The following MCM9 variants were observed in gnomAD, a reference collection of about 807,000 sequenced individuals.
The protein encoded by MCM9 is minichromosome maintenance 9 homologous recombination repair factor, also known as DNA helicase MCM9.
MCM9 carries 55 observed loss-of-function variants against 72.8 expected under a neutral mutation model. The ratio of observed to expected loss-of-function variants is 0.76; its 90% CI spans 0.61 to 0.95. MCM9 has a LOEUF of 0.95. Among genes scored for constraint, MCM9 ranks in the 40% least tolerant of loss-of-function variants. The pLI is 0.00. For synonymous variants in MCM9, 480 were observed against 503.4 expected (o/e 0.95, Z 0.62); for missense variants, 1,279 against 1,377.0 (o/e 0.93, Z 1.13).
intron 8 of MCM9, among the ~76,000 whole-genome samples, chr6:118,890,505 C>CT (rs1417924556): frequency 6.6e-6 from 1 of 152,196 alleles, no homozygotes; most frequent in Non-Finnish European, 1.5e-5. Flanking sequence ...GCATCTAACA[C>CT]TTTCTATTTC....
chr6:118,878,467 C>A lies in MCM9; in HGVS notation c.1151-21922G>T, dbSNP rs1471533455. Among the ~76,000 whole-genome samples the A allele has an allele frequency of 4.0e-5, 6 of 151,866 alleles. No individual in the cohort carries two copies. The East Asian group carries it at 9.6e-4, about 24-fold the overall frequency. ...TAACTGTAACTTTGTAACTTTTTTTCTTTTATCTGATTTAAAAGAAAATTG... is the reference window on the plus strand; with the variant it reads ...TAACTGTAACTTTGTAACTTTTTTTATTTTATCTGATTTAAAAGAAAATTG... On this transcript the variant is annotated intron_variant, in intron 8 of 13. Transcript: ENST00000619706.
chr6:118,913,538 T>C, intron 6 of MCM9, 118 bp from the exon 7 acceptor site: 1 of 1,263,074 alleles, frequency 7.9e-7, no homozygotes, highest in East Asian at 2.5e-5. Flanking sequence ...TGTGAAGTGA[T>C]CAGGAGGTCC....
rs151290262 is a variant in MCM9 at position 118,847,785 on chromosome 6, T to C, written c.1325+8586A>G. ...CAACTGAGACATAGTCTAGTAAAAA[T>C]ATTATACTTTAAAGATAAAGGAAAA... On this transcript the variant is annotated intron_variant, in intron 9 of 13. Transcript: ENST00000619706. 7.2e-5 allele frequency among the ~76,000 whole-genome samples: 11 copies of C among 151,742 alleles called. No homozygotes were observed. The East Asian group carries it at 2.1e-3, about 29-fold the overall frequency.
At chr6:118,913,942 T>C (rs1266479711) in intron 6 of MCM9, among the ~76,000 whole-genome samples, 2 of 152,174 alleles carry the variant, frequency 1.3e-5, no homozygotes, top group Admixed American at 1.3e-4. Flanking sequence ...TCAGTAAAAT[T>C]ACTCCACTGC....
At position 118,816,171 on chromosome 6, in the gene MCM9, G is replaced by A; in HGVS notation, c.2085C>T (p.Ile695=). 1 of 1,550,488 alleles carries A rather than the reference G, an allele frequency of 6.4e-7. No homozygotes were observed. The highest frequency in any genetic ancestry group is 8.7e-7 in the Non-Finnish European group (1 of 1,146,952). Reference sequence around the variant, plus strand: ...GAGAGAAGATATGTGTGCTATAGTTGATTTCCTGCTGTGATGAAGTTCTGA... The same window carrying A: ...GAGAGAAGATATGTGTGCTATAGTTAATTTCCTGCTGTGATGAAGTTCTGA... The part of the protein sequence containing the change: ...SNFRTSSQQE[I]NYSTHIFSPG... The change falls in exon 14 of 14, where the codon ATC becomes ATT. Residue 695 remains isoleucine (I), a synonymous_variant. Transcript: ENST00000619706.
chr6:118,831,198 C>T lies in MCM9; in HGVS notation c.1326-1948G>A, dbSNP rs188982309. ...TGAAACCCCATCCCTACTAAAAATA[C>T]AAAAAATAGCCGGCACGGTGGTACA... On this transcript the variant is annotated intron_variant, in intron 9 of 13. Coordinates refer to ENST00000619706, the MANE Select transcript of MCM9 (RefSeq NM_017696.3). Among the ~76,000 whole-genome samples, 278 of 151,980 alleles carry T rather than the reference C, an allele frequency of 1.8e-3. 1 individual carries two copies. The highest frequency in any genetic ancestry group is 0.01 in the South Asian group (50 of 4,814).
At chr6:118,826,568 T>G (rs1020890199) in intron 12 of MCM9, among the ~76,000 whole-genome samples, 1 of 152,126 alleles carries the variant, frequency 6.6e-6, no homozygotes, top group Non-Finnish European at 1.5e-5. Context: ...CTACTTTACA[T>G]CAATAGGCAA....
chr6:118,888,287 C>T (rs1375912260), intron 8 of MCM9, among the ~76,000 whole-genome samples: 3 of 152,076 alleles, frequency 2.0e-5, no homozygotes. Context: ...TAGATCGAGA[C>T]CATCCTGGCT....
At chr6:118,841,073 A>G (rs1775333019) in intron 9 of MCM9, among the ~76,000 whole-genome samples, 1 of 151,668 alleles carries the variant, frequency 6.6e-6, no homozygotes. Context: ...AACAAGGTTG[A>G]TAAAGTTGAC....
intron 8 of MCM9, among the ~76,000 whole-genome samples, chr6:118,883,444 C>A (rs1778420890): frequency 1.2e-5 from 1 of 82,206 alleles, no homozygotes. Context: ...TGAAAACTCT[C>A]CAAATTTGAT....
At chr6:118,873,566 C>G (rs184792313) in intron 8 of MCM9, among the ~76,000 whole-genome samples, 160 of 152,250 alleles carry the variant, frequency 1.1e-3, no homozygotes, top group Non-Finnish European at 2.0e-3. Flanking sequence ...ATGCAATCTG[C>G]CAAAACTTCA....
In MCM9 at chr6:118,931,537, T is replaced by C. The variant is rs1324107385; in HGVS notation, c.187A>G (p.Ser63Gly). ...CTATCAAAAATTGTAAGCACTTCAC[T>C]GGGGAACATGTTGAAATATTCCCCG... Reference protein sequence around the residue: ...EIGEYFNMFPSEVLTIFDSAL... With the variant: ...EIGEYFNMFPGEVLTIFDSAL... Residue 63 changes from serine to glycine, a missense_variant, in exon 3 of 14, where the codon AGT becomes GGT. Transcript: ENST00000619706. 1.2e-6 allele frequency: 2 copies of C among 1,614,046 alleles called. No homozygotes were observed. Among genetic ancestry groups the C allele is most frequent in the Non-Finnish European group, 1.7e-6 (2 of 1,180,036 alleles).
At chr6:118,821,905 T>C (rs1397998221) in intron 13 of MCM9, among the ~76,000 whole-genome samples, 3 of 152,228 alleles carry the variant, frequency 2.0e-5, no homozygotes, top group Non-Finnish European at 4.4e-5. Flanking sequence ...TTTCTCACGC[T>C]TGATTGATTT....
intron 5 of MCM9, chr6:118,919,880 C>T (rs1781295650): frequency 6.6e-6 from 1 of 152,130 alleles, no homozygotes; most frequent in South Asian, 2.1e-4. Context: ...TCTGCATGTG[C>T]CAAAGTGGGG....
At chr6:118,843,361 G>C (rs1468839815) in intron 9 of MCM9, among the ~76,000 whole-genome samples, 1 of 151,502 alleles carries the variant, frequency 6.6e-6, no homozygotes, top group Non-Finnish European at 1.5e-5. Flanking sequence ...GGGTGCAGTG[G>C]CTCACACCTG....
intron 8 of MCM9, among the ~76,000 whole-genome samples, chr6:118,896,848 TTA>T (rs1220356690): frequency 1.3e-5 from 2 of 152,020 alleles, no homozygotes; most frequent in Non-Finnish European, 1.5e-5. Flanking sequence ...TTTTTTTTTT[TTA>T]AATGAGACAG....
Position 118,816,116 on chromosome 6 carries a change from G to C in MCM9, c.2140C>G (p.Leu714Val). 1 of 1,550,456 alleles carries C rather than the reference G, an allele frequency of 6.4e-7. No homozygotes were observed. Among genetic ancestry groups the C allele is most frequent in the Non-Finnish European group, 8.7e-7 (1 of 1,146,916 alleles). Residue 714 changes from leucine (L) to valine (V), a missense_variant, in exon 14 of 14, where the codon CTA (leucine) becomes GTA (valine). Physicochemically the swap from Leu to Val is conservative, Grantham distance 32. Transcript: ENST00000619706. ...GGCTCCAGATGCGGTGGGGGATCTA[G>C]AACTGGGCTTCCCTCGGGGCTGCCT... ...PGGSPEGSPV[L>V]DPPPHLEPNR...
chr6:118,926,829 A>T (rs917423282), intron 3 of MCM9, among the ~76,000 whole-genome samples: 2 of 152,222 alleles, frequency 1.3e-5, no homozygotes, highest in Non-Finnish European at 2.9e-5. Context: ...GGTTATTAAA[A>T]TAATTTTTTT....
chr6:118,840,285 G>A (rs908130007), intron 9 of MCM9, among the ~76,000 whole-genome samples: 3 of 152,042 alleles, frequency 2.0e-5, no homozygotes, highest in African/African-American at 7.2e-5. Context: ...GTATTGGGAG[G>A]TGGGGCCTTT....
Sources: gnomAD v4.1 joint callset for allele counts (sites outside exome capture counted in the v4.1 genomes callset) on GRCh38, gnomAD v4.1.1 for gene constraint, MANE v1.5 for transcripts, NCBI Gene and HGNC (gene_info 2026-07-23, HGNC 2026-07-21) for gene names.